Variants in BZW2 observed in about 807,000 individuals in gnomAD.
The protein encoded by BZW2 is basic leucine zipper and W2 domains 2.
Under a neutral mutation model 53.2 loss-of-function variants are expected in BZW2, and 23 were observed. The ratio of observed to expected loss-of-function variants is 0.43; its 90% CI spans 0.31 to 0.61. The LOEUF is 0.61. Ranked by LOEUF, BZW2 falls within the 20% of genes least tolerant of loss-of-function variation. BZW2 has a pLI of 0.09. For synonymous variants in BZW2, 227 were observed against 186.4 expected (o/e 1.22, Z -1.77); for missense variants, 409 against 503.1 (o/e 0.81, Z 1.79).
intron 3 of BZW2, among the ~76,000 whole-genome samples, chr7:16,679,496 T>G (rs937751901): frequency 6.6e-6 from 1 of 152,202 alleles, no homozygotes; most frequent in Non-Finnish European, 1.5e-5. Flanking sequence ...AAAAACTAAT[T>G]TACTTACTAA....
At chr7:16,683,673 G>T (rs2128362679) in intron 5 of BZW2, among the ~76,000 whole-genome samples, 1 of 152,234 alleles carries the variant, frequency 6.6e-6, no homozygotes, top group East Asian at 1.9e-4. Context: ...TTGAGTAATT[G>T]CATGTTCCCT....
At chr7:16,697,530 G>A (rs1462403594) in intron 9 of BZW2, among the ~76,000 whole-genome samples, 1 of 152,170 alleles carries the variant, frequency 6.6e-6, no homozygotes, top group East Asian at 1.9e-4. Context: ...AACTGTCCAT[G>A]TTACTTTGAT....
intron 1 of BZW2, among the ~76,000 whole-genome samples, chr7:16,647,235 G>T (rs1034575201): frequency 9.9e-5 from 15 of 152,226 alleles, no homozygotes; most frequent in Admixed American, 2.6e-4. Flanking sequence ...TTTTACTGTT[G>T]TTTCCCTACA....
chr7:16,665,370 T>C, intron 1 of BZW2, 67 bp from the exon 2 acceptor site: 1 of 1,582,144 alleles, frequency 6.3e-7, no homozygotes, highest in South Asian at 1.1e-5. Context: ...ACCAAACTTA[T>C]TGGCCATATG....
intron 1 of BZW2, among the ~76,000 whole-genome samples, chr7:16,649,466 C>G (rs927141589): frequency 2.6e-5 from 4 of 152,288 alleles, no homozygotes; most frequent in South Asian, 2.1e-4. Flanking sequence ...CTGATGAATG[C>G]TATCAACCAA....
Position 16,651,800 on chromosome 7 carries a change from A to G in BZW2, c.-8+5512A>G, listed in dbSNP as rs191491393. On this transcript the variant is annotated intron_variant, in intron 1 of 11. Transcript: ENST00000258761. Reference sequence around the variant, plus strand: ...CCCCCCCACCGCTTAATAGAACTCTATGGAGAACTCTTTGGTATTTTGGAA... The same window carrying G: ...CCCCCCCACCGCTTAATAGAACTCTGTGGAGAACTCTTTGGTATTTTGGAA... 2.8e-4 allele frequency among the ~76,000 whole-genome samples: 42 copies of G among 152,288 alleles called. No individual in the cohort carries two copies. In the East Asian group the frequency reaches 7.3e-3, roughly 27 times the overall value.
chr7:16,676,251 T>C (rs1349491961), intron 3 of BZW2, among the ~76,000 whole-genome samples: 1 of 152,098 alleles, frequency 6.6e-6, no homozygotes, highest in African/African-American at 2.4e-5. Flanking sequence ...CAAACGGATG[T>C]TAAAGAATAT....
intron 7 of BZW2, 72 bp from the exon 8 acceptor site, chr7:16,694,762 A>G (rs530168768): frequency 8.1e-7 from 1 of 1,228,806 alleles, no homozygotes; most frequent in African/African-American, 1.5e-5. Context: ...AAGTGAAATG[A>G]AGACTTTTGT....
chr7:16,679,074 G>T (rs973602879), intron 3 of BZW2, among the ~76,000 whole-genome samples: 1 of 152,198 alleles, frequency 6.6e-6, no homozygotes, highest in African/African-American at 2.4e-5. Context: ...AACAGGGTTT[G>T]AGAGCAGACA....
intron 8 of BZW2, 111 bp downstream of exon 8, chr7:16,695,115 A>C: frequency 3.0e-6 from 3 of 993,890 alleles, no homozygotes; most frequent in African/African-American, 3.2e-5. Flanking sequence ...ATTGCTGTAA[A>C]CTTTGTCCAC....
chr7:16,648,152 A>G (rs1295428170), intron 1 of BZW2, among the ~76,000 whole-genome samples: 1 of 152,236 alleles, frequency 6.6e-6, no homozygotes, highest in Non-Finnish European at 1.5e-5. Flanking sequence ...TTACATTAGT[A>G]GTTTTGTATG....
chr7:16,669,662 A>G (rs973889707), intron 2 of BZW2, among the ~76,000 whole-genome samples: 46 of 152,178 alleles, frequency 3.0e-4, no homozygotes, highest in Non-Finnish European at 5.9e-4. Context: ...TCACTTCACT[A>G]ATGTGTTTTT....
At chr7:16,669,610 T>A (rs1455677258) in intron 2 of BZW2, among the ~76,000 whole-genome samples, 2 of 145,148 alleles carry the variant, frequency 1.4e-5, no homozygotes, top group African/African-American at 4.9e-5. Flanking sequence ...CATTGCTACA[T>A]CTCAGTGACA....
chr7:16,674,366 T>C, intron 2 of BZW2, 46 bp from the exon 3 acceptor site: 1 of 1,351,472 alleles, frequency 7.4e-7, no homozygotes, highest in African/African-American at 1.5e-5. Flanking sequence ...ATACTCTCAG[T>C]ATTTATTTAT....
At chr7:16,651,327 A>G (rs1489379706) in intron 1 of BZW2, among the ~76,000 whole-genome samples, 2 of 152,260 alleles carry the variant, frequency 1.3e-5, no homozygotes, top group African/African-American at 2.4e-5. Flanking sequence ...GCAGAGATGA[A>G]TAATAAGGGA....
intron 5 of BZW2, among the ~76,000 whole-genome samples, chr7:16,684,164 A>T (rs957805468): frequency 6.6e-6 from 1 of 152,256 alleles, no homozygotes; most frequent in Non-Finnish European, 1.5e-5. Context: ...GCATAACTAC[A>T]TGTATTAATA....
chr7:16,687,781 A>G (rs184657494), intron 6 of BZW2, among the ~76,000 whole-genome samples: 3 of 152,294 alleles, frequency 2.0e-5, no homozygotes, highest in Admixed American at 2.0e-4. Context: ...AGCTCATCCA[A>G]TAAATGACCA....
intron 2 of BZW2, 150 bp downstream of exon 2, chr7:16,665,651 C>T (rs1583709770): frequency 7.7e-7 from 1 of 1,299,518 alleles, no homozygotes; most frequent in Non-Finnish European, 1.0e-6. Context: ...TTAGTGAAAC[C>T]ATAGAACTGC....
At chr7:16,678,267 G>A (rs755973980) in intron 3 of BZW2, among the ~76,000 whole-genome samples, 3 of 151,742 alleles carry the variant, frequency 2.0e-5, no homozygotes, top group Non-Finnish European at 4.4e-5. Flanking sequence ...ATGTTGGCTA[G>A]GCTGGTCTCG....
Sources: gnomAD v4.1 joint callset for allele counts (sites outside exome capture counted in the v4.1 genomes callset) on GRCh38, gnomAD v4.1.1 for gene constraint, MANE v1.5 for transcripts, NCBI Gene and HGNC (gene_info 2026-07-23, HGNC 2026-07-21) for gene names.